Variants in DOK6 observed in about 807,000 individuals in gnomAD.
The protein encoded by DOK6 is downstream of tyrosine kinase 6.
A neutral mutation model predicts 44.0 loss-of-function variants in DOK6; 22 were observed. The ratio of observed to expected loss-of-function variants is 0.50; its 90% CI spans 0.36 to 0.71. The LOEUF (loss-of-function observed/expected upper bound fraction) is 0.71. Among genes scored for constraint, DOK6 ranks in the 30% least tolerant of loss-of-function variants. The pLI is 0.00. For missense variants in DOK6, 340 were observed against 416.4 expected, an observed-to-expected ratio of 0.82 and a Z score of 1.60; for synonymous variants, 166 against 145.5, an observed-to-expected ratio of 1.14 and a Z score of -1.01.
At chr18:69,433,361 T>A (rs1293034540) in intron 1 of DOK6, among the ~76,000 whole-genome samples, 2 of 152,214 alleles carry the variant, frequency 1.3e-5, no homozygotes, top group Non-Finnish European at 2.9e-5. Context: ...GACAAAAGCA[T>A]AATAGTTTTG....
chr18:69,753,689 G>C (rs1212852203), intron 6 of DOK6, among the ~76,000 whole-genome samples: 2 of 152,208 alleles, frequency 1.3e-5, no homozygotes, highest in Admixed American at 1.3e-4. Context: ...GTTGATTTCT[G>C]TATGTATGCC....
At chr18:69,602,884 A>T (rs1206777932) in intron 3 of DOK6, among the ~76,000 whole-genome samples, 1 of 152,254 alleles carries the variant, frequency 6.6e-6, no homozygotes, top group Admixed American at 6.5e-5. Flanking sequence ...GAAAAACTAA[A>T]TTCTTACACC....
At chr18:69,768,954 C>CGTGTGTGTGT (rs61202412) in intron 7 of DOK6, among the ~76,000 whole-genome samples, 2,885 of 142,656 alleles carry the variant, frequency 0.02, 87 homozygotes, top group African/African-American at 0.066. Flanking sequence ...GAAGGGTGTG[C>CGTGTGTGTGT]GTGTGTGTGT....
At chr18:69,424,800 G>A (rs577721323) in intron 1 of DOK6, among the ~76,000 whole-genome samples, 33 of 152,160 alleles carry the variant, frequency 2.2e-4, no homozygotes, top group African/African-American at 7.7e-4. Context: ...TTCCCATATA[G>A]GTAGTCTGTT....
intron 3 of DOK6, among the ~76,000 whole-genome samples, chr18:69,668,714 G>A (rs1178822478): frequency 3.9e-5 from 6 of 152,064 alleles, no homozygotes; most frequent in Non-Finnish European, 7.4e-5. Context: ...CTAGTTTGTT[G>A]TTTGGCTGGA....
At chr18:69,407,768 C>T (rs1222023550) in intron 1 of DOK6, among the ~76,000 whole-genome samples, 1 of 152,122 alleles carries the variant, frequency 6.6e-6, no homozygotes, top group Non-Finnish European at 1.5e-5. Flanking sequence ...ATGGTTGTAA[C>T]CTTTCAACAT....
intron 1 of DOK6, among the ~76,000 whole-genome samples, chr18:69,516,150 G>A (rs558262091): frequency 3.3e-5 from 5 of 152,288 alleles, no homozygotes; most frequent in East Asian, 1.9e-4. Context: ...GGTGGAGTGC[G>A]TATAATGGCC....
In DOK6 at chr18:69,441,124, A is replaced by T. The variant is rs543496755; in HGVS notation, c.66+39814A>T. On this transcript the variant is annotated intron_variant, in intron 1 of 7. Transcript: ENST00000382713. ...GTGTGTATGGTTTTGTATTCAGATT[A>T]AATCTGTCCTTATAGCCAACAACCA... Among the ~76,000 whole-genome samples, 15 of 152,256 alleles carry T rather than the reference A, an allele frequency of 9.9e-5. 1 individual carries two copies. In the South Asian group the frequency reaches 3.1e-3, roughly 32 times the overall value.
At chr18:69,829,016 A>C (rs2145131014) in intron 7 of DOK6, among the ~76,000 whole-genome samples, 1 of 150,548 alleles carries the variant, frequency 6.6e-6, no homozygotes, top group African/African-American at 2.4e-5. Context: ...GATGAGGTTA[A>C]GGAAATCACA....
intron 1 of DOK6, among the ~76,000 whole-genome samples, chr18:69,509,593 G>A (rs1044186359): frequency 5.6e-5 from 8 of 141,944 alleles, no homozygotes; most frequent in Non-Finnish European, 7.5e-5. Context: ...AGCCGAGATC[G>A]CGCCGCTGCA....
intron 3 of DOK6, among the ~76,000 whole-genome samples, chr18:69,635,976 C>A (rs1984797235): frequency 6.6e-6 from 1 of 152,188 alleles, no homozygotes; most frequent in Admixed American, 6.5e-5. Context: ...AGCTTTCTGT[C>A]CCTGGAAGTC....
chr18:69,804,971 G>A (rs936050249), intron 7 of DOK6, among the ~76,000 whole-genome samples: 1 of 152,174 alleles, frequency 6.6e-6, no homozygotes, highest in Non-Finnish European at 1.5e-5. Context: ...CAGGGGAAAG[G>A]TCAAAATACA....
intron 3 of DOK6, among the ~76,000 whole-genome samples, chr18:69,612,604 C>T (rs1266365780): frequency 2.0e-5 from 1 of 50,002 alleles, no homozygotes; most frequent in East Asian, 5.5e-4. Context: ...GCTTTGTTCC[C>T]CCTCACGCTG....
rs181559219 is a variant in DOK6, at chr18:69,692,583, T to C, written c.410-5821T>C. Among the ~76,000 whole-genome samples, 440 of 152,326 alleles carry C rather than the reference T, an allele frequency of 2.9e-3. 2 individuals carry two copies. Among genetic ancestry groups the C allele is most frequent in the Non-Finnish European group, 2.5e-3 (167 of 68,020 alleles). ...CTTTAAAGTTATTTTGACCAGTTGATTGTATATAGAAGTGAGTCTTAACTT... is the reference window on the plus strand; with the variant it reads ...CTTTAAAGTTATTTTGACCAGTTGACTGTATATAGAAGTGAGTCTTAACTT... On this transcript the variant is annotated intron_variant, in intron 4 of 7. Transcript: ENST00000382713.
At chr18:69,798,836 C>T (rs541154595) in intron 7 of DOK6, among the ~76,000 whole-genome samples, 1 of 151,866 alleles carries the variant, frequency 6.6e-6, no homozygotes, top group Middle Eastern at 3.4e-3. Context: ...ATGATCTGTT[C>T]TTTAGCTTCA....
At chr18:69,667,941 C>T (rs1188271818) in intron 3 of DOK6, among the ~76,000 whole-genome samples, 1 of 152,168 alleles carries the variant, frequency 6.6e-6, no homozygotes, top group Non-Finnish European at 1.5e-5. Flanking sequence ...GCCTATTCAT[C>T]CATCCACTTC....
At chr18:69,788,178 C>T (rs1446963396) in intron 7 of DOK6, among the ~76,000 whole-genome samples, 1 of 152,136 alleles carries the variant, frequency 6.6e-6, no homozygotes, top group Admixed American at 6.6e-5. Context: ...ATTAAATAAC[C>T]AGGGGTAATC....
chr18:69,603,587 C>A (rs576399528), intron 3 of DOK6, among the ~76,000 whole-genome samples: 5 of 151,968 alleles, frequency 3.3e-5, no homozygotes, highest in African/African-American at 1.2e-4. Context: ...CTGGCTAGCA[C>A]GGTGAAACCC....
chr18:69,792,534 T>G (rs1268635625), intron 7 of DOK6, among the ~76,000 whole-genome samples: 1 of 152,152 alleles, frequency 6.6e-6, no homozygotes, highest in Non-Finnish European at 1.5e-5. Flanking sequence ...ATGTTGATTT[T>G]GTATCCTGCA....
Sources: gnomAD v4.1 joint callset for allele counts (sites outside exome capture counted in the v4.1 genomes callset) on GRCh38, gnomAD v4.1.1 for gene constraint, MANE v1.5 for transcripts, NCBI Gene and HGNC (gene_info 2026-07-23, HGNC 2026-07-21) for gene names.